Variants in ST3GAL4 observed in about 807,000 individuals in gnomAD.
ST3GAL4 encodes the protein ST3 beta-galactoside alpha-2,3-sialyltransferase 4.
Under a neutral mutation model 42.6 loss-of-function variants are expected in ST3GAL4, and 24 were observed. The ratio of observed to expected loss-of-function variants is 0.56; its 90% CI spans 0.41 to 0.79. The LOEUF is 0.79. ST3GAL4 is among the 30% of genes least tolerant of loss of function. The pLI, the probability that ST3GAL4 is intolerant of heterozygous loss-of-function variation, is 0.00. For synonymous variants in ST3GAL4, 135 were observed against 163.2 expected (o/e 0.83, Z 1.32); for missense variants, 311 against 430.8 (o/e 0.72, Z 2.46).
At chr11:126,380,936 G>C (rs1952975791) in intron 1 of ST3GAL4, among the ~76,000 whole-genome samples, 1 of 152,208 alleles carries the variant, frequency 6.6e-6, no homozygotes, top group South Asian at 2.1e-4. Flanking sequence ...TTTTGGGCTT[G>C]GGCTGATGCG....
rs1432099843 is a variant in ST3GAL4 at position 126,379,780 on chromosome 11, T to C, written c.-61+23938T>C. On this transcript the variant is annotated intron_variant, in intron 1 of 10. Coordinates refer to ENST00000444328, the MANE Select transcript of ST3GAL4 (RefSeq NM_001254757.2). The surrounding 1 kb of genome is among the most constrained non-coding windows in gnomAD (Gnocchi z 4.2). Reference sequence around the variant, plus strand: ...GGCATGAGCCACCACACCCGGCCTGTTATCCTTAATTTTAAATCACATGTG... The same window carrying C: ...GGCATGAGCCACCACACCCGGCCTGCTATCCTTAATTTTAAATCACATGTG... Among the ~76,000 whole-genome samples, 1 of 151,944 alleles carries C rather than the reference T, an allele frequency of 6.6e-6. No homozygotes were observed. Among genetic ancestry groups the C allele is most frequent in the East Asian group, 1.9e-4 (1 of 5,166 alleles).
chr11:126,394,612 A>G (rs1033285069), intron 1 of ST3GAL4, among the ~76,000 whole-genome samples: 8 of 151,866 alleles, frequency 5.3e-5, no homozygotes, highest in Admixed American at 2.0e-4. Context: ...TTTTATAGAG[A>G]TGGGGTTTCA....
At position 126,367,659 on chromosome 11, in the gene ST3GAL4, G is replaced by A. The variant is rs190861284; in HGVS notation, c.-61+11817G>A. ...CTGTTACCCCCATTTAAAAGACGAG[G>A]ACTCTGAAGATCTGAGGTGCATAGA... On this transcript the variant is annotated intron_variant, in intron 1 of 10. Coordinates refer to ENST00000444328, the MANE Select transcript of ST3GAL4 (RefSeq NM_001254757.2). Among the ~76,000 whole-genome samples, 38 of 152,302 alleles carry A rather than the reference G, an allele frequency of 2.5e-4. No individual in the cohort carries two copies. In the Middle Eastern group the frequency reaches 0.017, roughly 68 times the overall value.
rs1032145828 is a variant in ST3GAL4 at position 126,386,428 on chromosome 11, TG to T, written c.-60-19664del. ...TGCTGACCTGTCCAGCCTCACAGTC[TG>T]GGGAGGCCTTGGGGTCCCCAGCCTG... is the stretch of plus-strand genomic sequence containing the variant. On this transcript the variant is annotated intron_variant, in intron 1 of 10. Coordinates refer to ENST00000444328, the MANE Select transcript of ST3GAL4 (RefSeq NM_001254757.2). This position sits in a 1 kb window ranked among gnomAD's most constrained non-coding sequence, Gnocchi z 4.7. Among the ~76,000 whole-genome samples, 1 of 152,100 alleles carries T rather than the reference TG, an allele frequency of 6.6e-6. No individual in the cohort carries two copies. Among genetic ancestry groups the T allele is most frequent in the Non-Finnish European group, 1.5e-5 (1 of 68,004 alleles).
intron 1 of ST3GAL4, among the ~76,000 whole-genome samples, chr11:126,388,767 CTTTT>C (rs10683946): frequency 1.7e-4 from 9 of 52,056 alleles, no homozygotes; most frequent in African/African-American, 4.5e-4. Context: ...TTTTCAGTGT[CTTTT>C]TTTTTTTTTT....
rs1952890957 is a variant in ST3GAL4, at chr11:126,378,293, C to T, written c.-61+22451C>T. Among the ~76,000 whole-genome samples, 1 of 152,204 alleles carries T rather than the reference C, an allele frequency of 6.6e-6. No individual in the cohort carries two copies. Among genetic ancestry groups the T allele is most frequent in the Admixed American group, 6.5e-5 (1 of 15,278 alleles). ...TACGAATGTCATGGTTATTCTCCGT[C>T]ACATCTGCGTCTGCACAGCGCCACG... On this transcript the variant is annotated intron_variant, in intron 1 of 10. Coordinates refer to ENST00000444328, the MANE Select transcript of ST3GAL4 (RefSeq NM_001254757.2). This position sits in a 1 kb window ranked among gnomAD's most constrained non-coding sequence, Gnocchi z 5.3.
At chr11:126,401,318 A>G (rs1326088823) in intron 1 of ST3GAL4, among the ~76,000 whole-genome samples, 3 of 151,978 alleles carry the variant, frequency 2.0e-5, no homozygotes, top group Non-Finnish European at 4.4e-5. Flanking sequence ...CTGTAATCCC[A>G]GCACTTTGGG....
At position 126,392,431 on chromosome 11, in the gene ST3GAL4, G is replaced by T. The variant is rs1428925403; in HGVS notation, c.-60-13665G>T. ...ACTTCATTTGCCTGGGGATAAAGCA[G>T]GTCCTTGTGAGCTCATCGACATGCA... On this transcript the variant is annotated intron_variant, in intron 1 of 10. Transcript: ENST00000444328. The surrounding 1 kb of genome is among the most constrained non-coding windows in gnomAD (Gnocchi z 5.8). The T allele has an allele frequency of 9.5e-6, 9 of 947,912 alleles. No homozygotes were observed. The East Asian group carries it at 9.3e-4, about 98-fold the overall frequency. 58.7% of individuals were successfully genotyped at this position (947,912 alleles called of 1,614,324 possible).
chr11:126,382,088 T>C (rs1311768280), intron 1 of ST3GAL4, among the ~76,000 whole-genome samples: 1 of 152,072 alleles, frequency 6.6e-6, no homozygotes, highest in African/African-American at 2.4e-5. Context: ...CTCCTGAGCA[T>C]CGCTGACCCT....
intron 1 of ST3GAL4, chr11:126,405,733 CG>C (rs976849595): frequency 4.9e-5 from 13 of 262,950 alleles, no homozygotes; most frequent in Admixed American, 1.5e-4. Flanking sequence ...CAACAGTGGG[CG>C]GGGGTAGCTG....
intron 1 of ST3GAL4, among the ~76,000 whole-genome samples, chr11:126,385,771 G>T (rs1953202016): frequency 6.6e-6 from 1 of 152,040 alleles, no homozygotes; most frequent in Non-Finnish European, 1.5e-5. Context: ...CAGCACTTTG[G>T]GAGGCTGAGG....
Position 126,406,802 on chromosome 11 carries a change from G to A in ST3GAL4, c.102-141G>A. ...AAGACCTGGATCCTCAAGGACTTGG[G>A]TTCCAAGTGGAACTTAACTTGAGAT... On this transcript the variant is annotated intron_variant, in intron 3 of 10. Transcript: ENST00000444328. This position sits in a 1 kb window ranked among gnomAD's most constrained non-coding sequence, Gnocchi z 5.4. 3.1e-6 allele frequency: 3 copies of A among 972,288 alleles called. No individual in the cohort carries two copies. The highest frequency in any genetic ancestry group is 4.7e-6 in the Non-Finnish European group (3 of 637,218). The allele number at this position is 972,288 out of a possible 1,614,324, so 60.2% of individuals were successfully genotyped here.
rs1953089614 is a variant in ST3GAL4 at position 126,383,485 on chromosome 11, G to T, written c.-60-22611G>T. Among the ~76,000 whole-genome samples, 1 of 152,182 alleles carries T rather than the reference G, an allele frequency of 6.6e-6. No individual in the cohort carries two copies. The highest frequency in any genetic ancestry group is 2.4e-5 in the African/African-American group (1 of 41,444). ...GCCAGCCCTGAGGAATGGGGGAAAA[G>T]AGTGCCCTGGCTTGGGGGGGCCCTC... On this transcript the variant is annotated intron_variant, in intron 1 of 10. Coordinates refer to ENST00000444328, the MANE Select transcript of ST3GAL4 (RefSeq NM_001254757.2). This position sits in a 1 kb window ranked among gnomAD's most constrained non-coding sequence, Gnocchi z 4.5.
chr11:126,372,229 T>C (rs1246384825), intron 1 of ST3GAL4, among the ~76,000 whole-genome samples: 3 of 152,190 alleles, frequency 2.0e-5, no homozygotes, highest in Admixed American at 2.0e-4. Context: ...CCTTTTCCCC[T>C]CAGTCCTTGG....
In ST3GAL4 at chr11:126,408,181, G is replaced by A. The variant is rs373208857; in HGVS notation, c.424G>A (p.Asp142Asn). The stretch of plus-strand genomic sequence containing the variant: ...ACTGGGAGATGCCATCAACAAGTAC[G>A]ATGTGGTCATCAGGTGTGTGTGACT... ...SSLGDAINKY[D>N]VVIRLNNAPV... The change falls in exon 7 of 11, where the codon GAT (aspartate) becomes AAT (asparagine). Residue 142 changes from aspartate to asparagine, a missense_variant. By Grantham distance (23) the Asp-to-Asn change is conservative (BLOSUM62 1). Transcript: ENST00000444328. 1.1e-5 allele frequency: 17 copies of A among 1,614,064 alleles called. No homozygotes were observed. Among genetic ancestry groups the A allele is most frequent in the African/African-American group, 1.3e-5 (1 of 74,930 alleles).
At position 126,396,412 on chromosome 11, in the gene ST3GAL4, G is replaced by C. The variant is rs1035343579; in HGVS notation, c.-60-9684G>C. Among the ~76,000 whole-genome samples, 1 of 152,068 alleles carries C rather than the reference G, an allele frequency of 6.6e-6. No individual in the cohort carries two copies. The highest frequency in any genetic ancestry group is 2.4e-5 in the African/African-American group (1 of 41,316). On this transcript the variant is annotated intron_variant, in intron 1 of 10. Transcript: ENST00000444328. This position sits in a 1 kb window ranked among gnomAD's most constrained non-coding sequence, Gnocchi z 5.8. ...GTGGTGGGATGTGGCTGCAAAAAAT[G>C]GTCGGATTCATGGAAGTCTGGTGTC...
intron 6 of ST3GAL4, 110 bp downstream of exon 6, chr11:126,407,744 C>A: frequency 2.6e-6 from 3 of 1,133,624 alleles, no homozygotes; most frequent in Non-Finnish European, 3.8e-6. Context: ...TGGACTGGTA[C>A]CATCCCAGCC....
intron 10 of ST3GAL4, 61 bp downstream of exon 10, chr11:126,413,709 G>GC: frequency 6.2e-7 from 1 of 1,600,700 alleles, no homozygotes; most frequent in Non-Finnish European, 8.5e-7. Context: ...AGTCAGAGGG[G>GC]CACTGGGTGA....
chr11:126,407,761 C>A, intron 6 of ST3GAL4, 127 bp downstream of exon 6: 1 of 1,047,754 alleles, frequency 9.5e-7, no homozygotes, highest in Non-Finnish European at 1.4e-6. Flanking sequence ...AGCCAATTCT[C>A]ATGGTAGCCT....
Sources: allele counts gnomAD v4.1 joint callset (sites outside exome capture counted in the v4.1 genomes callset), GRCh38; gene constraint gnomAD v4.1.1; non-coding constraint Gnocchi (gnomAD v3.1); transcripts MANE v1.5; gene names NCBI Gene and HGNC (gene_info 2026-07-23, HGNC 2026-07-21).